The following PDE1A variants were observed in gnomAD, a reference collection of about 807,000 sequenced individuals.
PDE1A encodes the protein dual specificity calcium/calmodulin-dependent 3',5'-cyclic nucleotide phosphodiesterase 1A.
A neutral mutation model predicts 61.7 loss-of-function variants in PDE1A; 35 were observed. The ratio of observed to expected loss-of-function variants is 0.57; its 90% CI spans 0.43 to 0.75. The LOEUF is 0.75. Ranked by LOEUF, PDE1A falls within the 30% of genes least tolerant of loss-of-function variation. PDE1A has a pLI of 0.00. For synonymous variants in PDE1A, 232 were observed against 213.2 expected (o/e 1.09, Z -0.77); for missense variants, 597 against 630.6 (o/e 0.95, Z 0.57).
At chr2:182,206,118 T>A (rs1017920350) in intron 7 of PDE1A, 53 bp from the exon 8 acceptor site, 1 of 1,497,522 alleles carries the variant, frequency 6.7e-7, no homozygotes, top group Non-Finnish European at 9.1e-7. Context: ...ACATCATGAA[T>A]GTCTAATAAG....
At chr2:182,209,680 G>A (rs1687415883) in intron 7 of PDE1A, among the ~76,000 whole-genome samples, 1 of 151,774 alleles carries the variant, frequency 6.6e-6, no homozygotes, top group Non-Finnish European at 1.5e-5. Context: ...AGATCTGGTT[G>A]CTGAAAAGTG....
At chr2:182,502,898 G>C (rs1200178793) in intron 2 of PDE1A, among the ~76,000 whole-genome samples, 1 of 152,082 alleles carries the variant, frequency 6.6e-6, no homozygotes, top group Non-Finnish European at 1.5e-5. Context: ...TTTTGAAATA[G>C]GCACATTATT....
At chr2:182,201,647 T>TTAAAA in intron 9 of PDE1A, 41 bp downstream of exon 9, 3 of 569,316 alleles carry the variant, frequency 5.3e-6, no homozygotes, top group Non-Finnish European at 6.9e-6. Flanking sequence ...AACTTTAACA[T>TTAAAA]GACAAAAAAA....
chr2:182,590,084 C>T, the PDE1A span, among the ~76,000 whole-genome samples: 1 of 152,116 alleles, frequency 6.6e-6, no homozygotes, highest in Admixed American at 6.6e-5. Flanking sequence ...TACATAACTC[C>T]CTCTGTGTGC....
chr2:182,671,296 C>T, the PDE1A span, among the ~76,000 whole-genome samples: 194 of 149,906 alleles, frequency 1.3e-3, no homozygotes, highest in Middle Eastern at 0.014. Context: ...CTCAGCCTCC[C>T]GAGTAGCTCA....
At chr2:182,532,654 T>C in the PDE1A span, among the ~76,000 whole-genome samples, 134 of 152,234 alleles carry the variant, frequency 8.8e-4, no homozygotes, top group East Asian at 0.012. Flanking sequence ...CTTTGAATTA[T>C]ATACTTAAAA....
chr2:182,240,240 G>A (rs552377252), exon 3 of PDE1A: 2 of 1,612,418 alleles, frequency 1.2e-6, no homozygotes, highest in East Asian at 4.5e-5. Flanking sequence ...ACTTCAGATG[G>A]GACTGAGTCA....
At chr2:182,571,833 A>T in the PDE1A span, among the ~76,000 whole-genome samples, 1 of 152,152 alleles carries the variant, frequency 6.6e-6, no homozygotes, top group East Asian at 1.9e-4. Flanking sequence ...GCAGAATTCT[A>T]AATCTACAAC....
chr2:182,147,670 A>G (rs1183839253), intron 13 of PDE1A, among the ~76,000 whole-genome samples: 1 of 152,206 alleles, frequency 6.6e-6, no homozygotes. Flanking sequence ...AGCATGGAAA[A>G]ATCTTTCAAC....
the PDE1A span, among the ~76,000 whole-genome samples, chr2:182,602,099 C>A: frequency 6.6e-6 from 1 of 152,178 alleles, no homozygotes; most frequent in Admixed American, 6.5e-5. Flanking sequence ...AACTTTGCTC[C>A]AAGATGAGAG....
chr2:182,652,638 C>T, the PDE1A span, among the ~76,000 whole-genome samples: 2 of 152,098 alleles, frequency 1.3e-5, no homozygotes, highest in Admixed American at 1.3e-4. Context: ...CCATTGAGAC[C>T]CACTTGTACC....
At chr2:182,188,938 G>A in intron 11 of PDE1A, 41 bp downstream of exon 11, 1 of 1,334,168 alleles carries the variant, frequency 7.5e-7, no homozygotes, top group Non-Finnish European at 1.1e-6. Flanking sequence ...AAACTGACAA[G>A]CACACACTCA....
At chr2:182,196,491 C>A (rs1686142362) in intron 10 of PDE1A, among the ~76,000 whole-genome samples, 1 of 151,602 alleles carries the variant, frequency 6.6e-6, no homozygotes. Context: ...TTATGATATA[C>A]TCTTTTTAAA....
chr2:182,380,023 C>G (rs1247561945), intron 1 of PDE1A, among the ~76,000 whole-genome samples: 3 of 151,860 alleles, frequency 2.0e-5, no homozygotes, highest in Non-Finnish European at 4.4e-5. Context: ...TGGTCCTTTA[C>G]TCTATCATGC....
the PDE1A span, among the ~76,000 whole-genome samples, chr2:182,681,613 T>C: frequency 6.6e-6 from 1 of 151,584 alleles, no homozygotes; most frequent in South Asian, 2.1e-4. Flanking sequence ...GATTTGTCAA[T>C]ATCTACTTAA....
chr2:182,302,646 A>G (rs1294996206), intron 1 of PDE1A, among the ~76,000 whole-genome samples: 3 of 152,166 alleles, frequency 2.0e-5, no homozygotes, highest in Non-Finnish European at 4.4e-5. Flanking sequence ...AAATAAGGCA[A>G]CAATCAAGTT....
In PDE1A at chr2:182,193,017, T is replaced by G. The variant is rs184791258; in HGVS notation, c.1126-3957A>C. ...TTTTCTTTTTTTCTTGAGAGGAGTC[T>G]CACTCTGTCGCCCAGGCTGGAGTGC... On this transcript the variant is annotated intron_variant, in intron 10 of 13. Coordinates refer to ENST00000351439, the Ensembl canonical transcript of PDE1A. Among the ~76,000 whole-genome samples the G allele has an allele frequency of 1.2e-3, 187 of 152,234 alleles. 2 individuals carry two copies. The highest frequency in any genetic ancestry group is 6.8e-3 in the Middle Eastern group (2 of 294).
chr2:182,541,816 G>A, the PDE1A span, among the ~76,000 whole-genome samples: 1 of 152,096 alleles, frequency 6.6e-6, no homozygotes, highest in Non-Finnish European at 1.5e-5. Context: ...ATGTTTGCAG[G>A]CAAATCTGCT....
At chr2:182,615,186 TG>T in the PDE1A span, among the ~76,000 whole-genome samples, 1 of 152,180 alleles carries the variant, frequency 6.6e-6, no homozygotes, top group African/African-American at 2.4e-5. Flanking sequence ...TCTACTTCCA[TG>T]GGAGTAAGGT....
Sources: allele counts gnomAD v4.1 joint callset (sites outside exome capture counted in the v4.1 genomes callset), GRCh38; gene constraint gnomAD v4.1.1; transcripts MANE v1.5; gene names NCBI Gene and HGNC (gene_info 2026-07-23, HGNC 2026-07-21).